SLTM: variants seen among roughly 807,000 people sequenced by gnomAD.
SLTM encodes the protein SAFB like transcription modulator.
SLTM carries 43 observed loss-of-function variants against 134.6 expected under a neutral mutation model. That is an observed-to-expected ratio of 0.32 (90% CI 0.25 to 0.41). The LOEUF (loss-of-function observed/expected upper bound fraction) is 0.41, where lower values mean the gene tolerates loss of function less well. Among genes scored for constraint, SLTM ranks in the 10% least tolerant of loss-of-function variants. The pLI, the probability that SLTM is intolerant of heterozygous loss-of-function variation, is 1.00. For missense variants in SLTM, 1,055 were observed against 1,288.8 expected (o/e 0.82, Z 2.78); for synonymous variants, 424 against 432.3 (o/e 0.98, Z 0.24).
At chr15:58,920,386 G>A (rs1483267247) in intron 2 of SLTM, among the ~76,000 whole-genome samples, 1 of 152,040 alleles carries the variant, frequency 6.6e-6, no homozygotes, top group Admixed American at 6.6e-5. Flanking sequence ...CACTTTGGGA[G>A]GCCAAGGTAG....
At position 58,913,678 on chromosome 15, in the gene SLTM, G is replaced by C. The variant is rs761304148; in HGVS notation, c.334C>G (p.Gln112Glu). Reference protein sequence around the residue: ...AFIKDCELENQEAHEQDGNDE... With the variant: ...AFIKDCELENEEAHEQDGNDE... The stretch of plus-strand genomic sequence containing the variant: ...TTTCCATCTTGCTCATGTGCCTCTT[G>C]ATTCTCCAATTCACAGTCCTTTTAA... The change falls in exon 4 of 21, where the codon CAA becomes GAA. Residue 112 changes from glutamine to glutamate, a missense_variant. Coordinates refer to ENST00000380516, the MANE Select transcript of SLTM (RefSeq NM_024755.4). The C allele has an allele frequency of 6.2e-7, 1 of 1,613,224 alleles. No homozygotes were observed. The highest frequency in any genetic ancestry group is 2.2e-5 in the East Asian group (1 of 44,764).
rs2034534202 is a variant in SLTM, at chr15:58,890,027, G to A, written c.2079+254C>T. ...GGATTACAACTACTCTGGACTCATA[G>A]TCCTATGCTCAGACTATTAGGCTGC... On this transcript the variant is annotated intron_variant, in intron 15 of 20. Coordinates refer to ENST00000380516, the MANE Select transcript of SLTM (RefSeq NM_024755.4). The A allele has an allele frequency of 7.9e-6, 4 of 507,872 alleles. No individual in the cohort carries two copies. The South Asian group carries it at 8.0e-5, about 10-fold the overall frequency. 31.5% of individuals were successfully genotyped at this position (507,872 alleles called of 1,614,324 possible).
Position 58,894,092 on chromosome 15 carries a change from G to T in SLTM, c.1479C>A (p.Ser493Arg). The T allele has an allele frequency of 6.3e-7, 1 of 1,597,754 alleles. No homozygotes were observed. Among genetic ancestry groups the T allele is most frequent in the Non-Finnish European group, 8.5e-7 (1 of 1,173,138 alleles). Reference protein sequence around the residue: ...GDKKNTSDRSSKTQASVKKEE... With the variant: ...GDKKNTSDRSRKTQASVKKEE... The stretch of plus-strand genomic sequence containing the variant: ...AATAAATAAAAATAAATCCTTACTT[G>T]CTACTTCTATCACTCGTATTTTTTT... Residue 493 changes from serine to arginine, a missense_variant and splice_region_variant, in exon 11 of 21, where the codon AGC (serine) becomes AGA (arginine). Ser to Arg is a moderately radical substitution (Grantham distance 110). This residue lies in a region of SLTM where 776 missense variants were observed against 962.2 expected (regional missense o/e 0.81). Coordinates refer to ENST00000380516, the MANE Select transcript of SLTM (RefSeq NM_024755.4).
At chr15:58,927,296 T>C (rs977427460) in intron 2 of SLTM, among the ~76,000 whole-genome samples, 1 of 152,136 alleles carries the variant, frequency 6.6e-6, no homozygotes, top group African/African-American at 2.4e-5. Flanking sequence ...TATCTAAAGA[T>C]GATGATCTTG....
Position 58,922,738 on chromosome 15 carries a change from A to G in SLTM, c.251-5739T>C, listed in dbSNP as rs551656416. Among the ~76,000 whole-genome samples the G allele has an allele frequency of 4.7e-5, 7 of 149,922 alleles. No individual in the cohort carries two copies. In the Admixed American group the frequency reaches 4.7e-4, roughly 10 times the overall value. The stretch of plus-strand genomic sequence containing the variant: ...CTTTTTTCTTTTTTTTTTGAGATGG[A>G]GTCTCACTCTGTCACCCAGGCTGGA... On this transcript the variant is annotated intron_variant, in intron 2 of 20. Coordinates refer to ENST00000380516, the MANE Select transcript of SLTM (RefSeq NM_024755.4).
At chr15:58,882,180 T>TAAAAAAAAAAAAAA (rs2033776231) in intron 20 of SLTM, among the ~76,000 whole-genome samples, 3 of 3,106 alleles carry the variant, frequency 9.7e-4, no homozygotes, top group Non-Finnish European at 7.9e-3. Context: ...AGACTCTGTC[T>TAAAAAAAAAAAAAA]CAAAAAAAAA....
At chr15:58,913,114 C>T (rs182635908) in intron 4 of SLTM, among the ~76,000 whole-genome samples, 359 of 152,184 alleles carry the variant, frequency 2.4e-3, no homozygotes, top group Non-Finnish European at 3.3e-3. Context: ...TTGGCAATGC[C>T]AGAATGAAAT....
chr15:58,900,180 G>C (rs2035369365), intron 6 of SLTM, among the ~76,000 whole-genome samples: 1 of 152,044 alleles, frequency 6.6e-6, no homozygotes, highest in Admixed American at 6.5e-5. Flanking sequence ...TGAGAAAATG[G>C]TTCCATCCTG....
At chr15:58,897,261 A>C (rs1299304322) in intron 8 of SLTM, 28 bp from the exon 9 acceptor site, 1 of 1,263,854 alleles carries the variant, frequency 7.9e-7, no homozygotes, top group Non-Finnish European at 1.1e-6. Flanking sequence ...TCAGATGTTT[A>C]AGTATCTCAA....
At chr15:58,891,343 C>T (rs1233985247) in intron 14 of SLTM, among the ~76,000 whole-genome samples, 8 of 152,182 alleles carry the variant, frequency 5.3e-5, no homozygotes, top group African/African-American at 9.7e-5. Context: ...GATGCCACAA[C>T]GGACATGCAC....
At chr15:58,913,752 A>G (rs1444136783) in intron 3 of SLTM, 56 bp from the exon 4 acceptor site, 15 of 1,415,826 alleles carry the variant, frequency 1.1e-5, no homozygotes, top group African/African-American at 2.9e-5. Flanking sequence ...TGGGCTATCC[A>G]CCAAACGTTT....
chr15:58,897,815 GAT>G (rs1348716703), intron 8 of SLTM, among the ~76,000 whole-genome samples: 10 of 152,058 alleles, frequency 6.6e-5, no homozygotes, highest in African/African-American at 9.7e-5. Context: ...ACAAGATTAA[GAT>G]CAGAGGTCTC....
chr15:58,922,600 T>C (rs1440076843), intron 2 of SLTM, among the ~76,000 whole-genome samples: 1 of 146,480 alleles, frequency 6.8e-6, no homozygotes, highest in Non-Finnish European at 1.5e-5. Flanking sequence ...ATATATTATA[T>C]ACGTATAAAA....
chr15:58,894,210 A>C lies in SLTM; in HGVS notation c.1378-17T>G, dbSNP rs1395909998. Reference sequence around the variant, plus strand: ...ACCTTTTACCTGAAAGGTTCGAACCAGAAAAACAATTTGTACATATGGTTA... The same window carrying C: ...ACCTTTTACCTGAAAGGTTCGAACCCGAAAAACAATTTGTACATATGGTTA... On this transcript the variant is annotated splice_polypyrimidine_tract_variant and intron_variant, in intron 10 of 20. Transcript: ENST00000380516. 1.9e-6 allele frequency: 3 copies of C among 1,571,858 alleles called. No individual in the cohort carries two copies. The East Asian group carries it at 6.7e-5, about 35-fold the overall frequency.
At chr15:58,914,229 G>A (rs1384108725) in intron 3 of SLTM, among the ~76,000 whole-genome samples, 1 of 152,196 alleles carries the variant, frequency 6.6e-6, no homozygotes, top group Non-Finnish European at 1.5e-5. Context: ...GGTTGGGATT[G>A]GATCTGTTTG....
intron 17 of SLTM, 21 bp downstream of exon 17, chr15:58,888,364 A>G (rs755837605): frequency 3.8e-6 from 6 of 1,562,228 alleles, no homozygotes; most frequent in Non-Finnish European, 4.3e-6. Context: ...AAATAAATAT[A>G]ACAATTTTCA....
At chr15:58,922,152 G>C (rs1265555855) in intron 2 of SLTM, among the ~76,000 whole-genome samples, 3 of 151,556 alleles carry the variant, frequency 2.0e-5, no homozygotes, top group Non-Finnish European at 2.9e-5. Context: ...GAGGTGGGTG[G>C]ACCACTTGAG....
intron 2 of SLTM, chr15:58,921,638 C>G: frequency 2.4e-6 from 1 of 411,098 alleles, no homozygotes; most frequent in Non-Finnish European, 4.9e-6. Context: ...GGAGTAACAA[C>G]CTGATAGATA....
At chr15:58,917,025 C>CA in intron 2 of SLTM, 26 bp from the exon 3 acceptor site, 1 of 1,608,262 alleles carries the variant, frequency 6.2e-7, no homozygotes, top group Non-Finnish European at 8.5e-7. Context: ...AATGGGCTAA[C>CA]AACCAATATT....
Sources: allele counts gnomAD v4.1 joint callset (sites outside exome capture counted in the v4.1 genomes callset), GRCh38; gene constraint gnomAD v4.1.1; regional missense constraint gnomAD v4.1.1; transcripts MANE v1.5; gene names NCBI Gene and HGNC (gene_info 2026-07-23, HGNC 2026-07-21).